The following ZFP36L1 variants were observed in gnomAD, a reference collection of about 807,000 sequenced individuals.
The protein encoded by ZFP36L1 is ZFP36 like 1 zinc finger CCCH-type.
In ZFP36L1, 4 loss-of-function variants were observed where a neutral mutation model predicts 16.7. That is an observed-to-expected ratio of 0.24 (90% CI 0.12 to 0.55). The LOEUF (loss-of-function observed/expected upper bound fraction) is 0.55. ZFP36L1 is among the 20% of genes least tolerant of loss of function. The probability of loss-of-function intolerance (pLI) is 0.94; values close to 1 mark genes in which losing one functional copy is unlikely to be tolerated. For synonymous variants in ZFP36L1, 220 were observed against 190.8 expected, an observed-to-expected ratio of 1.15 and a Z score of -1.26; for missense variants, 311 against 449.2, an observed-to-expected ratio of 0.69 and a Z score of 2.78.
At chr14:68,795,840 G>A (rs749203158), upstream of ZFP36L1, 4 of 543,424 alleles carry the variant, frequency 7.4e-6, no homozygotes, top group Non-Finnish European at 1.5e-5. Flanking sequence ...AGGAGGGAGC[G>A]AGTCCCTTAA....
chr14:68,793,497 T>A, upstream of ZFP36L1: 1 of 986,508 alleles, frequency 1.0e-6, no homozygotes, highest in Non-Finnish European at 1.2e-6. Context: ...GGGTTCTTGT[T>A]GTCATGTTGT....
upstream of ZFP36L1, chr14:68,793,791 G>A (rs967585882): frequency 1.0e-6 from 1 of 985,088 alleles, no homozygotes. Flanking sequence ...AGGGTGGGGC[G>A]CGCTGCTGGG....
chr14:68,792,597 C>A, intron 1 of ZFP36L1, among the ~76,000 whole-genome samples: 1 of 152,194 alleles, frequency 6.6e-6, no homozygotes, highest in South Asian at 2.1e-4. Context: ...GTCCCAATCC[C>A]AGCCCTCCCC....
In ZFP36L1 at chr14:68,792,759, A is replaced by G; in HGVS notation, c.57+123T>C. On this transcript the variant is annotated intron_variant, in intron 1 of 1. Transcript: ENST00000439696. ...TCAAACTTGGGAGAAATGCCGGAGG[A>G]GAAAAGAATCATCTCGCTGCACCAC... 13 of 1,362,350 alleles carry G rather than the reference A, an allele frequency of 9.5e-6. No individual in the cohort carries two copies. The South Asian group carries it at 1.5e-4, about 16-fold the overall frequency. 84.4% of individuals were successfully genotyped at this position (1,362,350 alleles called of 1,614,324 possible).
Position 68,789,917 on chromosome 14 carries a change from A to T in ZFP36L1, c.633T>A (p.Ala211=). 1.2e-6 allele frequency: 2 copies of T among 1,609,934 alleles called. No individual in the cohort carries two copies. The highest frequency in any genetic ancestry group is 1.7e-6 in the Non-Finnish European group (2 of 1,179,682). ...SFSFAGFPSA[A]ATAAATGLLD... ...GCAGCCCGGTGGCAGCGGCGGTGGC[A>T]GCGGCACTGGGAAACCCAGCAAAGC... is the stretch of plus-strand genomic sequence containing the variant. Residue 211 remains alanine (A), a synonymous_variant, in exon 2 of 2, where the codon GCT becomes GCA. Transcript: ENST00000439696. The surrounding 1 kb of genome is among the most constrained non-coding windows in gnomAD (Gnocchi z 4.5).
chr14:68,793,602 T>A, upstream of ZFP36L1: 1 of 985,972 alleles, frequency 1.0e-6, no homozygotes, highest in African/African-American at 1.7e-5. Flanking sequence ...GTTTCCATCT[T>A]GAGCTGGCGG....
chr14:68,792,220 A>G (rs1219483852), intron 1 of ZFP36L1, among the ~76,000 whole-genome samples: 1 of 150,128 alleles, frequency 6.7e-6, no homozygotes, highest in African/African-American at 2.4e-5. Flanking sequence ...ATGAGCCGCA[A>G]TGCCTCGGCA....
upstream of ZFP36L1, chr14:68,794,724 A>T (rs1361968596): frequency 2.0e-5 from 3 of 151,998 alleles, no homozygotes; most frequent in East Asian, 3.8e-4. Context: ...CATTCTCACC[A>T]CCCCCAACAC....
chr14:68,788,157 A>G lies in ZFP36L1; in HGVS notation c.*1376T>C, dbSNP rs1386200187. 6.6e-6 allele frequency: 1 copy of G among 152,152 alleles called. No individual in the cohort carries two copies. The highest frequency in any genetic ancestry group is 6.5e-5 in the Admixed American group (1 of 15,274). 9.4% of individuals were successfully genotyped at this position (152,152 alleles called of 1,614,324 possible). A position where few individuals can be genotyped will look rare whatever the true frequency, so the allele number is the denominator to read the frequency against. On this transcript the variant is annotated 3_prime_UTR_variant, in exon 2 of 2. Transcript: ENST00000439696. The stretch of plus-strand genomic sequence containing the variant: ...CATTTTTTTAAAATAAAATAACCAA[A>G]AAAGTGTAAAGTTACAAAAAATGTC...
intron 1 of ZFP36L1, among the ~76,000 whole-genome samples, chr14:68,792,335 C>T (rs1172287156): frequency 6.6e-6 from 1 of 152,200 alleles, no homozygotes; most frequent in East Asian, 1.9e-4. Context: ...GACTCAAGCC[C>T]CACTGCAAAC....
Position 68,790,031 on chromosome 14 carries a change from G to A in ZFP36L1, c.519C>T (p.Cys173=), listed in dbSNP as rs1488098280. The change falls in exon 2 of 2, where the codon TGC becomes TGT. Residue 173 remains cysteine, a synonymous_variant. Transcript: ENST00000439696. ...GCTCTTCAGCGTTGTGGATGAAGTG[G>A]CAGCGGGGCCCGTAGGGGCAAAAGC... ...TIGFCPYGPR[C]HFIHNAEERR... 2 of 1,609,822 alleles carry A rather than the reference G, an allele frequency of 1.2e-6. No individual in the cohort carries two copies. Among genetic ancestry groups the A allele is most frequent in the East Asian group, 2.2e-5 (1 of 44,862 alleles).
chr14:68,793,457 G>T (rs1895166129), upstream of ZFP36L1: 2 of 991,222 alleles, frequency 2.0e-6, no homozygotes, highest in Non-Finnish European at 1.2e-6. Flanking sequence ...TCAGAGCGCG[G>T]CTGTGACGTC....
upstream of ZFP36L1, chr14:68,794,580 C>T (rs1895198449): frequency 6.6e-6 from 1 of 152,468 alleles, no homozygotes; most frequent in Non-Finnish European, 1.5e-5. Context: ...TTCTTCCCAG[C>T]ACTCGAGGCC....
upstream of ZFP36L1, chr14:68,794,373 A>C (rs1895192941): frequency 6.6e-6 from 1 of 152,212 alleles, no homozygotes; most frequent in Non-Finnish European, 1.5e-5. Flanking sequence ...GCAATGGAGC[A>C]TGACTCCCTT....
chr14:68,795,610 C>T (rs916138700), upstream of ZFP36L1, among the ~76,000 whole-genome samples: 2 of 152,202 alleles, frequency 1.3e-5, no homozygotes, highest in Admixed American at 6.5e-5. Flanking sequence ...ATTTCCTCGG[C>T]TTTTCCAACT....
rs1198729142 is a variant in ZFP36L1 at position 68,788,513 on chromosome 14, C to G, written c.*1020G>C. 1.3e-5 allele frequency: 2 copies of G among 152,486 alleles called. No homozygotes were observed. The highest frequency in any genetic ancestry group is 2.9e-5 in the Non-Finnish European group (2 of 67,992). The allele number at this position is 152,486 out of a possible 1,614,324, so 9.4% of individuals were successfully genotyped here. ...ACCTACGGTATTCTAGAGCAAAAAC[C>G]ATTAAAGCTACTTCTACAGGAAATC... On this transcript the variant is annotated 3_prime_UTR_variant, in exon 2 of 2. Transcript: ENST00000439696.
intron 1 of ZFP36L1, among the ~76,000 whole-genome samples, chr14:68,792,552 C>G (rs574433848): frequency 6.6e-6 from 1 of 152,106 alleles, no homozygotes; most frequent in African/African-American, 2.4e-5. Context: ...TGGGATCCAG[C>G]AGCACGTTAC....
chr14:68,790,632 C>T, intron 1 of ZFP36L1, 140 bp from the exon 2 acceptor site: 3 of 1,188,920 alleles, frequency 2.5e-6, no homozygotes, highest in Non-Finnish European at 3.5e-6. Flanking sequence ...AGCTCCCTTC[C>T]CTCTCTCCCT....
In ZFP36L1 at chr14:68,790,402, G is replaced by T. The variant is rs35162541; in HGVS notation, c.148C>A (p.Pro50Thr). ...GGCAGGGTGACTGAGTGCCTCCGAG[G>T]GAAGCCCCCACCAGCAGGGGTGCCC... ...AVGTPAGGGFPRRHSVTLPSS... is the reference protein window; with the variant it reads ...AVGTPAGGGFTRRHSVTLPSS... Residue 50 changes from proline (P) to threonine (T), a missense_variant, in exon 2 of 2, where the codon CCT becomes ACT. Pro to Thr is a conservative substitution (Grantham distance 38). Coordinates refer to ENST00000439696, the MANE Select transcript of ZFP36L1 (RefSeq NM_004926.4). 6.4e-4 allele frequency: 1,032 copies of T among 1,613,892 alleles called. 1 individual carries two copies. Among genetic ancestry groups the T allele is most frequent in the East Asian group, 5.2e-3 (233 of 44,876 alleles).
Sources: gnomAD v4.1 joint callset for allele counts (sites outside exome capture counted in the v4.1 genomes callset) on GRCh38, gnomAD v4.1.1 for gene constraint, Gnocchi (gnomAD v3.1) non-coding constraint, MANE v1.5 for transcripts, NCBI Gene and HGNC (gene_info 2026-07-23, HGNC 2026-07-21) for gene names.